The following CACNA2D3 variants were observed in gnomAD, a reference collection of about 807,000 sequenced individuals.
CACNA2D3 encodes the protein voltage-dependent calcium channel subunit alpha-2/delta-3.
In CACNA2D3, 60 loss-of-function variants were observed where a neutral mutation model predicts 160.6. The observed-to-expected ratio is 0.37, with a 90% CI of 0.30 to 0.46. The LOEUF (loss-of-function observed/expected upper bound fraction) is 0.46. Ranked by LOEUF, CACNA2D3 falls within the 20% of genes least tolerant of loss-of-function variation. The pLI, the probability that CACNA2D3 is intolerant of heterozygous loss-of-function variation, is 1.00. For missense variants in CACNA2D3, 1,205 were observed against 1,365.0 expected, an observed-to-expected ratio of 0.88 and a Z score of 1.85; for synonymous variants, 558 against 492.9, an observed-to-expected ratio of 1.13 and a Z score of -1.75.
chr3:54,619,468 G>GAAA (rs1698933791), intron 9 of CACNA2D3, among the ~76,000 whole-genome samples: 1 of 152,208 alleles, frequency 6.6e-6, no homozygotes, highest in Non-Finnish European at 1.5e-5. Flanking sequence ...ATGAAATAAT[G>GAAA]TTCATTGTTC....
At chr3:54,946,333 A>G (rs1315319134) in intron 27 of CACNA2D3, among the ~76,000 whole-genome samples, 2 of 152,074 alleles carry the variant, frequency 1.3e-5, no homozygotes, top group East Asian at 1.9e-4. Flanking sequence ...GACCACCACA[A>G]TGGTTATTGG....
chr3:54,644,953 G>A lies in CACNA2D3; in HGVS notation c.1167+2712G>A, dbSNP rs546576504. On this transcript the variant is annotated intron_variant, in intron 11 of 37. Coordinates refer to ENST00000474759, the MANE Select transcript of CACNA2D3 (RefSeq NM_018398.3). ...TTCCTCAGTTGAATTCACTGCACAGGTTTGTGTTTCTTGGTTCATATTCTG... is the reference window on the plus strand; with the variant it reads ...TTCCTCAGTTGAATTCACTGCACAGATTTGTGTTTCTTGGTTCATATTCTG... Among the ~76,000 whole-genome samples, 5 of 152,322 alleles carry A rather than the reference G, an allele frequency of 3.3e-5. No homozygotes were observed. The South Asian group carries it at 8.3e-4, about 25-fold the overall frequency.
chr3:54,422,015 T>G (rs1306594592), intron 4 of CACNA2D3, among the ~76,000 whole-genome samples: 2 of 152,206 alleles, frequency 1.3e-5, no homozygotes, highest in East Asian at 3.9e-4. Context: ...TGATTAGGTC[T>G]GCCCTTGTGC....
At chr3:55,023,712 C>CTA (rs1703507359) in intron 35 of CACNA2D3, among the ~76,000 whole-genome samples, 1 of 151,920 alleles carries the variant, frequency 6.6e-6, no homozygotes, top group African/African-American at 2.4e-5. Context: ...ATCATGTATC[C>CTA]TATTAGTAAC....
intron 4 of CACNA2D3, among the ~76,000 whole-genome samples, chr3:54,445,469 G>C (rs757850659): frequency 1.1e-4 from 17 of 151,874 alleles, no homozygotes; most frequent in Non-Finnish European, 2.1e-4. Context: ...TTGTAAGAGA[G>C]CATTCATAGA....
Position 54,149,883 on chromosome 3 carries a change from GTCTCTCTC to G in CACNA2D3, c.204+26330_204+26337del, listed in dbSNP as rs554851240. Reference sequence around the variant, plus strand: ...CAGAGAGGGCTGTCCTGAAGTATCTGTCTCTCTCTCTCTCTCTCTCTCTCTCTCTCTCT... The same window carrying G: ...CAGAGAGGGCTGTCCTGAAGTATCTGTCTCTCTCTCTCTCTCTCTCTCTCT... On this transcript the variant is annotated intron_variant, in intron 2 of 37. Coordinates refer to ENST00000474759, the MANE Select transcript of CACNA2D3 (RefSeq NM_018398.3). Among the ~76,000 whole-genome samples, 602 of 60,672 alleles carry G rather than the reference GTCTCTCTC, an allele frequency of 9.9e-3. 8 individuals are homozygous for G. The highest frequency in any genetic ancestry group is 0.013 in the East Asian group (24 of 1,846). 39.8% of individuals were successfully genotyped at this position (60,672 alleles called of 152,430 possible).
chr3:54,256,721 C>T, intron 2 of CACNA2D3, among the ~76,000 whole-genome samples: 1 of 138,064 alleles, frequency 7.2e-6, no homozygotes, highest in Non-Finnish European at 1.5e-5. Context: ...ATGTTCTTCT[C>T]TTGTCAAGAC....
At chr3:54,158,608 A>G (rs1025546968) in intron 2 of CACNA2D3, among the ~76,000 whole-genome samples, 3 of 152,314 alleles carry the variant, frequency 2.0e-5, no homozygotes, top group African/African-American at 7.2e-5. Context: ...TTTCAGGGCT[A>G]ATAATTGTTT....
intron 2 of CACNA2D3, among the ~76,000 whole-genome samples, chr3:54,174,650 G>A (rs976137954): frequency 6.6e-6 from 1 of 152,126 alleles, no homozygotes; most frequent in Admixed American, 6.5e-5. Context: ...TCCGTCTCCT[G>A]AGTAGCTGGG....
chr3:54,326,794 C>T (rs1384251335), intron 3 of CACNA2D3, among the ~76,000 whole-genome samples: 1 of 152,122 alleles, frequency 6.6e-6, no homozygotes, highest in Non-Finnish European at 1.5e-5. Flanking sequence ...GTCTTGTTTT[C>T]ATTTCTGATC....
chr3:54,806,649 A>T (rs984384632), intron 13 of CACNA2D3, among the ~76,000 whole-genome samples: 3 of 152,184 alleles, frequency 2.0e-5, no homozygotes, highest in Admixed American at 6.5e-5. Flanking sequence ...TATAGATTCA[A>T]TGCCATCCCC....
intron 2 of CACNA2D3, among the ~76,000 whole-genome samples, chr3:54,172,018 C>T (rs1353748220): frequency 6.6e-6 from 1 of 152,240 alleles, no homozygotes; most frequent in Non-Finnish European, 1.5e-5. Context: ...AGAAAGCTCT[C>T]TCTTATTTCC....
intron 5 of CACNA2D3, among the ~76,000 whole-genome samples, chr3:54,512,985 A>G (rs888247566): frequency 1.3e-5 from 2 of 152,158 alleles, no homozygotes; most frequent in Non-Finnish European, 1.5e-5. Flanking sequence ...TCCTCCTTAT[A>G]AAACCATCAG....
intron 2 of CACNA2D3, among the ~76,000 whole-genome samples, chr3:54,291,076 G>A (rs907865132): frequency 2.0e-5 from 3 of 152,028 alleles, no homozygotes; most frequent in South Asian, 4.1e-4. Flanking sequence ...ATAAAAATAT[G>A]TACCTACATA....
At chr3:54,648,336 C>A (rs1575404827) in intron 11 of CACNA2D3, among the ~76,000 whole-genome samples, 1 of 152,192 alleles carries the variant, frequency 6.6e-6, no homozygotes, top group African/African-American at 2.4e-5. Flanking sequence ...ATAGCCACAC[C>A]CATTTGTTTA....
intron 9 of CACNA2D3, chr3:54,626,244 C>A: frequency 9.0e-7 from 1 of 1,109,630 alleles, no homozygotes; most frequent in Non-Finnish European, 1.3e-6. Context: ...AGAAGCAGAC[C>A]TTCCGCAGGT....
At position 54,381,465 on chromosome 3, in the gene CACNA2D3, A is replaced by C. The variant is rs982461734; in HGVS notation, c.322-5250A>C. Among the ~76,000 whole-genome samples the C allele has an allele frequency of 3.3e-5, 5 of 152,248 alleles. No individual in the cohort carries two copies. The South Asian group carries it at 1.0e-3, about 32-fold the overall frequency. On this transcript the variant is annotated intron_variant, in intron 3 of 37. Coordinates refer to ENST00000474759, the MANE Select transcript of CACNA2D3 (RefSeq NM_018398.3). ...TCTCTTTTCTCCCCTTGTTAAGCCAAAATGGCCAGGAACAAAAACATAAAA... is the reference window on the plus strand; with the variant it reads ...TCTCTTTTCTCCCCTTGTTAAGCCACAATGGCCAGGAACAAAAACATAAAA...
rs150777600 is a variant in CACNA2D3, at chr3:55,067,376, T to C, written c.2988-6069T>C. ...AGGGCTGCAACTTTGGGTTTGAACCTCTGCTCTGCCCCGGTTACTCTAGGT... is the reference window on the plus strand; with the variant it reads ...AGGGCTGCAACTTTGGGTTTGAACCCCTGCTCTGCCCCGGTTACTCTAGGT... On this transcript the variant is annotated intron_variant, in intron 35 of 37. Coordinates refer to ENST00000474759, the MANE Select transcript of CACNA2D3 (RefSeq NM_018398.3). 1.1e-4 allele frequency among the ~76,000 whole-genome samples: 17 copies of C among 152,344 alleles called. No individual in the cohort carries two copies. The East Asian group carries it at 3.3e-3, about 29-fold the overall frequency.
chr3:54,752,781 G>A (rs945886535), intron 12 of CACNA2D3, 104 bp downstream of exon 12: 4 of 795,518 alleles, frequency 5.0e-6, no homozygotes, highest in Middle Eastern at 2.3e-4. Context: ...CTAAGATAAA[G>A]TCTGGGTATA....
Sources: gnomAD v4.1 joint callset for allele counts (sites outside exome capture counted in the v4.1 genomes callset) on GRCh38, gnomAD v4.1.1 for gene constraint, MANE v1.5 for transcripts, NCBI Gene and HGNC (gene_info 2026-07-23, HGNC 2026-07-21) for gene names.